The following KIF26B variants were observed in gnomAD, a reference collection of about 807,000 sequenced individuals.
KIF26B encodes the protein kinesin family member 26B.
A neutral mutation model predicts 151.2 loss-of-function variants in KIF26B; 63 were observed. That is an observed-to-expected ratio of 0.42 (90% CI 0.34 to 0.51). KIF26B has a LOEUF of 0.51. Among genes scored for constraint, KIF26B ranks in the 20% least tolerant of loss-of-function variants. The probability of loss-of-function intolerance (pLI) is 0.07; values close to 1 mark genes in which losing one functional copy is unlikely to be tolerated. For missense variants in KIF26B, 2,813 were observed against 2,913.6 expected (o/e 0.97, Z 0.79); for synonymous variants, 1,357 against 1,262.1 (o/e 1.08, Z -1.59).
At chr1:245,206,171 G>A (rs887273750) in intron 2 of KIF26B, among the ~76,000 whole-genome samples, 14 of 152,292 alleles carry the variant, frequency 9.2e-5, no homozygotes, top group Middle Eastern at 3.4e-3. Context: ...GAAGTTATCA[G>A]TAGTCCCTTC....
At position 245,227,858 on chromosome 1, in the gene KIF26B, C is replaced by T. The variant is rs184353993; in HGVS notation, c.465+71175C>T. Among the ~76,000 whole-genome samples, 16 of 151,916 alleles carry T rather than the reference C, an allele frequency of 1.1e-4. No homozygotes were observed. The East Asian group carries it at 2.1e-3, about 20-fold the overall frequency. ...TCTACTAAAAATACAAAAAATTAGC[C>T]GGGCATGGTGGCGGGCACCTGTAAT... On this transcript the variant is annotated intron_variant, in intron 2 of 14. Transcript: ENST00000407071. This position sits in a 1 kb window ranked among gnomAD's most constrained non-coding sequence, Gnocchi z 4.1.
intron 4 of KIF26B, among the ~76,000 whole-genome samples, chr1:245,427,030 T>C (rs1028397937): frequency 6.6e-6 from 1 of 152,216 alleles, no homozygotes; most frequent in African/African-American, 2.4e-5. Context: ...GTGGAACTGT[T>C]CCTGCTTCTT....
intron 5 of KIF26B, among the ~76,000 whole-genome samples, chr1:245,576,731 G>A (rs745981730): frequency 4.6e-5 from 7 of 152,148 alleles, no homozygotes; most frequent in Non-Finnish European, 1.0e-4. Flanking sequence ...ATTTCCACAC[G>A]AATCACCTCT....
intron 2 of KIF26B, among the ~76,000 whole-genome samples, chr1:245,330,832 A>T (rs947393110): frequency 8.3e-5 from 5 of 59,980 alleles, no homozygotes; most frequent in African/African-American, 5.3e-4. Flanking sequence ...TCGGGGAGGG[A>T]GTGGGGGTGT....
chr1:245,569,227 A>C (rs925296956), intron 5 of KIF26B, among the ~76,000 whole-genome samples: 11 of 152,140 alleles, frequency 7.2e-5, no homozygotes, highest in Admixed American at 3.3e-4. Flanking sequence ...TCCATTGTAC[A>C]TTGACTGTCT....
chr1:245,155,379 G>A lies in KIF26B; in HGVS notation c.-46G>A. 6.6e-7 allele frequency: 1 copy of A among 1,510,834 alleles called. No homozygotes were observed. The highest frequency in any genetic ancestry group is 9.1e-7 in the Non-Finnish European group (1 of 1,099,078). 93.6% of individuals were successfully genotyped at this position (1,510,834 alleles called of 1,614,324 possible). On this transcript the variant is annotated 5_prime_UTR_variant, in exon 1 of 15. It removes an upstream start codon present in the reference 5' UTR. Coordinates refer to ENST00000407071, the MANE Select transcript of KIF26B (RefSeq NM_018012.4). The stretch of plus-strand genomic sequence containing the variant: ...TTCTGGGTTGGAGGACCTTCTGGAT[G>A]TAGCGTCGGTGGAACCTTTAGATAC...
chr1:245,422,289 C>G (rs183025317), intron 4 of KIF26B, among the ~76,000 whole-genome samples: 32 of 152,172 alleles, frequency 2.1e-4, no homozygotes, highest in Non-Finnish European at 3.7e-4. Context: ...ATTTCCCCCC[C>G]ACCCTTTACT....
intron 2 of KIF26B, among the ~76,000 whole-genome samples, chr1:245,209,860 G>A (rs544957951): frequency 1.8e-4 from 27 of 152,366 alleles, no homozygotes; most frequent in African/African-American, 6.3e-4. Flanking sequence ...GCCCGACCCA[G>A]GGGACTCAGC....
chr1:245,687,424 G>A lies in KIF26B; in HGVS notation c.4441G>A (p.Asp1481Asn), dbSNP rs373057841. ...NAETRAEQEQ[D>N]GKPSPGDRLS... The stretch of plus-strand genomic sequence containing the variant: ...TGAGACCAGAGCAGAGCAGGAGCAG[G>A]ACGGAAAGCCCAGTCCGGGAGACAG... The change falls in exon 12 of 15, where the codon GAC (aspartate) becomes AAC (asparagine). Residue 1481 changes from aspartate to asparagine, a missense_variant. By Grantham distance (23) the Asp-to-Asn change is conservative. Around this residue, in one of 3 missense-constraint regions of KIF26B, gnomAD observed 2,060 missense variants for 2,088.6 expected, o/e 0.99. Coordinates refer to ENST00000407071, the MANE Select transcript of KIF26B (RefSeq NM_018012.4). This position sits in a 1 kb window ranked among gnomAD's most constrained non-coding sequence, Gnocchi z 4.9. The A allele has an allele frequency of 6.3e-7, 1 of 1,588,538 alleles. No homozygotes were observed. The highest frequency in any genetic ancestry group is 8.6e-7 in the Non-Finnish European group (1 of 1,167,846).
intron 4 of KIF26B, among the ~76,000 whole-genome samples, chr1:245,451,406 T>C (rs1266335466): frequency 1.3e-5 from 2 of 151,950 alleles, no homozygotes; most frequent in Non-Finnish European, 2.9e-5. Context: ...TTTTATTACA[T>C]TTATTTATTT....
At position 245,605,246 on chromosome 1, in the gene KIF26B, C is replaced by T. The variant is rs537711763; in HGVS notation, c.1558-2405C>T. On this transcript the variant is annotated intron_variant, in intron 6 of 14. Transcript: ENST00000407071. ...GAACACAGCAAGTGCTCAACAAATGCGGCTATTTTTACCGTTATCACTGCC... is the reference window on the plus strand; with the variant it reads ...GAACACAGCAAGTGCTCAACAAATGTGGCTATTTTTACCGTTATCACTGCC... Among the ~76,000 whole-genome samples the T allele has an allele frequency of 2.0e-5, 3 of 152,206 alleles. No individual in the cohort carries two copies. In the East Asian group the frequency reaches 5.8e-4, roughly 29 times the overall value.
intron 3 of KIF26B, among the ~76,000 whole-genome samples, chr1:245,414,320 A>G (rs72761173): frequency 2.0e-5 from 3 of 152,102 alleles, no homozygotes; most frequent in African/African-American, 7.2e-5. Context: ...CAAGAGGAAA[A>G]GTGCTGTTGA....
chr1:245,394,368 A>T (rs1673771543), intron 3 of KIF26B, among the ~76,000 whole-genome samples: 1 of 152,182 alleles, frequency 6.6e-6, no homozygotes, highest in African/African-American at 2.4e-5. Flanking sequence ...AATGCCTGTA[A>T]TCCTAGCATT....
At chr1:245,493,564 A>G (rs752368393) in intron 4 of KIF26B, among the ~76,000 whole-genome samples, 1 of 152,226 alleles carries the variant, frequency 6.6e-6, no homozygotes, top group African/African-American at 2.4e-5. Flanking sequence ...AGACTCTCAG[A>G]TGATAACTTG....
chr1:245,203,246 C>CAAAAAAAAAAAAAA (rs562600864), intron 2 of KIF26B, among the ~76,000 whole-genome samples: 2 of 29,572 alleles, frequency 6.8e-5, no homozygotes, highest in South Asian at 1.1e-3. Context: ...GACTCTGTCT[C>CAAAAAAAAAAAAAA]AAAAAAAAAA....
intron 2 of KIF26B, among the ~76,000 whole-genome samples, chr1:245,197,834 A>T (rs560296252): frequency 6.6e-6 from 1 of 152,302 alleles, no homozygotes; most frequent in Admixed American, 6.5e-5. Flanking sequence ...GCACAGTTTC[A>T]CCACCCAGGA....
chr1:245,236,618 T>G (rs1183591807), intron 2 of KIF26B, among the ~76,000 whole-genome samples: 1 of 152,242 alleles, frequency 6.6e-6, no homozygotes, highest in Non-Finnish European at 1.5e-5. Context: ...TGTTGTATTT[T>G]CTTGAAGCAA....
chr1:245,159,543 TTGA>T (rs1426531190), intron 2 of KIF26B, among the ~76,000 whole-genome samples: 1 of 152,176 alleles, frequency 6.6e-6, no homozygotes, highest in Non-Finnish European at 1.5e-5. Context: ...GATATGAGGG[TTGA>T]TGATTATTAA....
chr1:245,301,930 T>A (rs1671434591), intron 2 of KIF26B, among the ~76,000 whole-genome samples: 1 of 152,198 alleles, frequency 6.6e-6, no homozygotes, highest in South Asian at 2.1e-4. Flanking sequence ...CTAAGTAGGA[T>A]CAACCCCCCA....
Sources: gnomAD v4.1 joint callset for allele counts (sites outside exome capture counted in the v4.1 genomes callset) on GRCh38, gnomAD v4.1.1 for gene constraint, gnomAD v4.1.1 regional missense constraint, Gnocchi (gnomAD v3.1) non-coding constraint, MANE v1.5 for transcripts, NCBI Gene and HGNC (gene_info 2026-07-23, HGNC 2026-07-21) for gene names.